The following DYM variants were observed in gnomAD, a reference collection of about 807,000 sequenced individuals.
DYM encodes dymeclin, also known as dyggve-Melchior-Clausen syndrome protein.
DYM carries 78 observed loss-of-function variants against 93.1 expected under a neutral mutation model. The observed-to-expected ratio is 0.84, with a 90% CI of 0.70 to 1.01. DYM has a LOEUF of 1.01. DYM is among the 50% of genes least tolerant of loss of function. The pLI, the probability that DYM is intolerant of heterozygous loss-of-function variation, is 0.00. For missense variants in DYM, 789 were observed against 845.0 expected (o/e 0.93, Z 0.82); for synonymous variants, 321 against 319.7 (o/e 1.00, Z -0.04).
intron 15 of DYM, among the ~76,000 whole-genome samples, chr18:49,135,956 G>A (rs556436429): frequency 6.6e-6 from 1 of 152,336 alleles, no homozygotes; most frequent in Non-Finnish European, 1.5e-5. Flanking sequence ...ATGACCAAAA[G>A]TTGTATTTAT....
chr18:49,218,471 C>G (rs990402303), intron 13 of DYM, among the ~76,000 whole-genome samples: 2 of 152,172 alleles, frequency 1.3e-5, no homozygotes, highest in African/African-American at 4.8e-5. Flanking sequence ...AGCACCACAC[C>G]ACACCTATTC....
chr18:49,095,259 T>A (rs1568410812), intron 17 of DYM, among the ~76,000 whole-genome samples: 1 of 152,178 alleles, frequency 6.6e-6, no homozygotes, highest in Non-Finnish European at 1.5e-5. Flanking sequence ...CATTTTATTA[T>A]AAACACTCAA....
chr18:49,330,464 C>T (rs1333818150), intron 8 of DYM, among the ~76,000 whole-genome samples: 1 of 152,048 alleles, frequency 6.6e-6, no homozygotes, highest in Non-Finnish European at 1.5e-5. Context: ...TGTTTTTTGG[C>T]ACCTGGCACA....
At position 49,286,371 on chromosome 18, in the gene DYM, AC is replaced by A. The variant is rs372818927; in HGVS notation, c.946+62del. On this transcript the variant is annotated intron_variant, in intron 9 of 17. Coordinates refer to ENST00000675505, the MANE Select transcript of DYM (RefSeq NM_001353214.3). Reference sequence around the variant, plus strand: ...CATCTCCAAAACTATAAGACAATAAACAATATAGAACAAGCAATACTCTCCC... The same window carrying A: ...CATCTCCAAAACTATAAGACAATAAAAATATAGAACAAGCAATACTCTCCC... 500 of 1,564,260 alleles carry A rather than the reference AC, an allele frequency of 3.2e-4. 6 individuals are homozygous for A. In the South Asian group the frequency reaches 5.0e-3, roughly 16 times the overall value.
Position 49,407,568 on chromosome 18 carries a change from C to A in DYM, c.141-15923G>T, listed in dbSNP as rs978067259. ...AGAGAGAGAAAGGAAAGAGATGCCA[C>A]ACTCTTTTAAACAACTAGATCTTGT... On this transcript the variant is annotated intron_variant, in intron 2 of 17. Transcript: ENST00000675505. Among the ~76,000 whole-genome samples, 7 of 152,158 alleles carry A rather than the reference C, an allele frequency of 4.6e-5. No homozygotes were observed. The East Asian group carries it at 1.3e-3, about 29-fold the overall frequency.
At chr18:49,101,809 A>T (rs1274471111) in intron 16 of DYM, among the ~76,000 whole-genome samples, 1 of 152,206 alleles carries the variant, frequency 6.6e-6, no homozygotes, top group Non-Finnish European at 1.5e-5. Context: ...CCAGGGAAAT[A>T]AATAGATGAT....
At chr18:49,459,201 T>C (rs1183927249) in intron 1 of DYM, among the ~76,000 whole-genome samples, 2 of 152,220 alleles carry the variant, frequency 1.3e-5, no homozygotes, top group African/African-American at 2.4e-5. Context: ...ACTGATAGTT[T>C]CATCAATTAT....
chr18:49,394,802 A>G (rs1055570659), intron 2 of DYM, among the ~76,000 whole-genome samples: 1 of 152,046 alleles, frequency 6.6e-6, no homozygotes, highest in Non-Finnish European at 1.5e-5. Flanking sequence ...GTATTACCTT[A>G]TTTCTTTTCC....
At chr18:49,221,305 G>T (rs2093345369) in intron 13 of DYM, among the ~76,000 whole-genome samples, 1 of 152,062 alleles carries the variant, frequency 6.6e-6, no homozygotes, top group African/African-American at 2.4e-5. Context: ...TACACTGTTG[G>T]TGGGAGTGTA....
At chr18:49,347,888 A>G (rs1302670614) in intron 6 of DYM, among the ~76,000 whole-genome samples, 1 of 152,232 alleles carries the variant, frequency 6.6e-6, no homozygotes, top group African/African-American at 2.4e-5. Flanking sequence ...GATTTTCATT[A>G]CACAATCACC....
At chr18:49,345,294 A>G (rs1012354617) in intron 6 of DYM, among the ~76,000 whole-genome samples, 5 of 152,116 alleles carry the variant, frequency 3.3e-5, no homozygotes, top group African/African-American at 1.2e-4. Context: ...TGGTACATCC[A>G]TATCTAGCTG....
intron 5 of DYM, 135 bp downstream of exon 5, chr18:49,378,430 AAT>A: frequency 1.2e-6 from 1 of 838,628 alleles, no homozygotes; most frequent in South Asian, 1.8e-5. Context: ...AAAAAGAAAA[AAT>A]GACAGTATAA....
rs542648979 is a variant in DYM at position 49,133,875 on chromosome 18, A to G, written c.1729-14949T>C. On this transcript the variant is annotated intron_variant, in intron 15 of 17. Transcript: ENST00000675505. ...TTTTGCTATGTAACTTAACATACCTACAGGTTCTGGGGATAGGATGTGGAC... is the reference window on the plus strand; with the variant it reads ...TTTTGCTATGTAACTTAACATACCTGCAGGTTCTGGGGATAGGATGTGGAC... Among the ~76,000 whole-genome samples, 113 of 152,306 alleles carry G rather than the reference A, an allele frequency of 7.4e-4. 2 individuals carry two copies. The highest frequency in any genetic ancestry group is 2.7e-3 in the African/African-American group (112 of 41,554).
At chr18:49,273,536 G>A (rs527345638) in intron 10 of DYM, among the ~76,000 whole-genome samples, 1 of 152,162 alleles carries the variant, frequency 6.6e-6, no homozygotes, top group South Asian at 2.1e-4. Flanking sequence ...TGTCTCATAA[G>A]ATTACAACAT....
chr18:49,058,483 C>A (rs1271051045), intron 17 of DYM, among the ~76,000 whole-genome samples: 1 of 152,040 alleles, frequency 6.6e-6, no homozygotes, highest in Non-Finnish European at 1.5e-5. Context: ...CCATGCCTGG[C>A]AAATTTTTAA....
intron 17 of DYM, among the ~76,000 whole-genome samples, chr18:49,058,740 C>T (rs2075712615): frequency 1.3e-5 from 2 of 152,090 alleles, no homozygotes; most frequent in Admixed American, 6.5e-5. Flanking sequence ...CTTGGAAACA[C>T]CCATAAAACA....
chr18:49,207,531 G>A (rs2092576954), intron 14 of DYM, among the ~76,000 whole-genome samples: 1 of 152,184 alleles, frequency 6.6e-6, no homozygotes, highest in African/African-American at 2.4e-5. Flanking sequence ...AACATTTATG[G>A]AATGTTAAGG....
chr18:49,439,856 G>T (rs1396511990), intron 1 of DYM, among the ~76,000 whole-genome samples: 3 of 151,564 alleles, frequency 2.0e-5, no homozygotes, highest in African/African-American at 7.3e-5. Context: ...TTACAAATTA[G>T]CCAGGCAACA....
At chr18:49,243,294 T>C (rs2094078349) in intron 13 of DYM, among the ~76,000 whole-genome samples, 1 of 152,142 alleles carries the variant, frequency 6.6e-6, no homozygotes, top group South Asian at 2.1e-4. Flanking sequence ...TGACACATGG[T>C]AGCCACACAG....
Sources: allele counts gnomAD v4.1 joint callset (sites outside exome capture counted in the v4.1 genomes callset), GRCh38; gene constraint gnomAD v4.1.1; transcripts MANE v1.5; gene names NCBI Gene and HGNC (gene_info 2026-07-23, HGNC 2026-07-21).